Variants in BTBD1 observed in about 807,000 individuals in gnomAD.
The protein encoded by BTBD1 is BTB domain containing 1, also known as BTB/POZ domain-containing protein 1.
In BTBD1, 34 loss-of-function variants were observed where a neutral mutation model predicts 48.0. The ratio of observed to expected loss-of-function variants is 0.71; its 90% CI spans 0.54 to 0.94. BTBD1 has a LOEUF of 0.94. BTBD1 is among the 40% of genes least tolerant of loss of function. The probability of loss-of-function intolerance (pLI) is 0.00; values close to 1 mark genes in which losing one functional copy is unlikely to be tolerated. For missense variants in BTBD1, 543 were observed against 625.6 expected (o/e 0.87, Z 1.41); for synonymous variants, 261 against 242.1 (o/e 1.08, Z -0.72).
chr15:83,041,682 C>T, intron 4 of BTBD1, 46 bp downstream of exon 4: 1 of 1,578,166 alleles, frequency 6.3e-7, no homozygotes, highest in Non-Finnish European at 8.7e-7. Context: ...CCCTGACAGA[C>T]TATTAAAACA....
intron 3 of BTBD1, among the ~76,000 whole-genome samples, chr15:83,047,676 T>C (rs961380761): frequency 2.0e-5 from 3 of 152,192 alleles, no homozygotes; most frequent in Non-Finnish European, 4.4e-5. Context: ...ACACAGATAA[T>C]AGCTAGGCTC....
rs773923340 is a variant in BTBD1 at position 83,042,348 on chromosome 15, T to TTTTATATATTTATATA, written c.665-424_665-423insTATATAAATATATAAA. ...ACGTGCCAGGTACTATTAGGCAATT[T>TTTTATATATTTATATA]TATATATATATATATATATATATAT... On this transcript the variant is annotated intron_variant, in intron 3 of 7. Coordinates refer to ENST00000261721, the MANE Select transcript of BTBD1 (RefSeq NM_025238.4). Among the ~76,000 whole-genome samples the TTTTATATATTTATATA allele has an allele frequency of 3.2e-3, 348 of 109,882 alleles. 2 individuals are homozygous for TTTTATATATTTATATA. Among genetic ancestry groups the TTTTATATATTTATATA allele is most frequent in the Non-Finnish European group, 5.2e-3 (284 of 54,202 alleles). The allele number at this position is 109,882 out of a possible 152,430, so 72.1% of individuals were successfully genotyped here. A position where few individuals can be genotyped will look rare whatever the true frequency, so the allele number is the denominator to read the frequency against.
chr15:83,056,246 T>C, intron 2 of BTBD1, 143 bp downstream of exon 2: 2 of 567,478 alleles, frequency 3.5e-6, no homozygotes, highest in Non-Finnish European at 5.9e-6. Flanking sequence ...ATATCTGACA[T>C]GTTTCCCTGA....
chr15:83,017,327 A>T lies in BTBD1; in HGVS notation c.*740T>A, dbSNP rs2032190072. 6.6e-6 allele frequency: 1 copy of T among 152,660 alleles called. No individual in the cohort carries two copies. The highest frequency in any genetic ancestry group is 1.5e-5 in the Non-Finnish European group (1 of 68,038). The allele number at this position is 152,660 out of a possible 1,614,324, so 9.5% of individuals were successfully genotyped here. On this transcript the variant is annotated 3_prime_UTR_variant, in exon 8 of 8. Coordinates refer to ENST00000261721, the MANE Select transcript of BTBD1 (RefSeq NM_025238.4). ...CATCAGCAGTGTCCCCCACACAGAGAGACAGGTATAGTGGTGCAGTTTAGT... is the reference window on the plus strand; with the variant it reads ...CATCAGCAGTGTCCCCCACACAGAGTGACAGGTATAGTGGTGCAGTTTAGT...
At chr15:83,056,624 G>T in intron 1 of BTBD1, 79 bp from the exon 2 acceptor site, 1 of 1,244,794 alleles carries the variant, frequency 8.0e-7, no homozygotes. Context: ...AATTTCTGAG[G>T]AGTATTTACT....
At chr15:83,047,395 G>T (rs1354699153) in intron 3 of BTBD1, among the ~76,000 whole-genome samples, 2 of 152,080 alleles carry the variant, frequency 1.3e-5, no homozygotes, top group African/African-American at 4.8e-5. Context: ...AAATAATCCT[G>T]GCCAGCGCAT....
intron 3 of BTBD1, among the ~76,000 whole-genome samples, chr15:83,048,609 C>T (rs2032923505): frequency 6.6e-6 from 1 of 151,698 alleles, no homozygotes. Context: ...AATGCCCTCC[C>T]CTCTCCACTA....
chr15:83,054,568 T>TC (rs1471050112), intron 2 of BTBD1, among the ~76,000 whole-genome samples: 1 of 150,442 alleles, frequency 6.6e-6, no homozygotes, highest in Admixed American at 6.6e-5. Context: ...TTTTTCTTTT[T>TC]TTTTTTTTTT....
At chr15:83,066,321 G>A (rs1003084794) in intron 1 of BTBD1, among the ~76,000 whole-genome samples, 6 of 151,942 alleles carry the variant, frequency 3.9e-5, no homozygotes, top group African/African-American at 1.5e-4. Flanking sequence ...GGGGAAGGGG[G>A]TGACAATAAC....
intron 1 of BTBD1, among the ~76,000 whole-genome samples, chr15:83,066,428 C>A (rs181407156): frequency 2.5e-4 from 38 of 152,338 alleles, no homozygotes; most frequent in Admixed American, 1.6e-3. Flanking sequence ...ACCTGATCTG[C>A]CCCTCTATCC....
At chr15:83,019,053 G>GGT (rs374886864) in intron 6 of BTBD1, among the ~76,000 whole-genome samples, 200 bp from the exon 7 acceptor site, 55 of 147,718 alleles carry the variant, frequency 3.7e-4, no homozygotes, top group East Asian at 2.4e-3. Flanking sequence ...TCTGTTGGTG[G>GGT]GTGTGTGTGT....
At chr15:83,039,417 T>C (rs1382127533) in intron 4 of BTBD1, among the ~76,000 whole-genome samples, 2 of 152,118 alleles carry the variant, frequency 1.3e-5, no homozygotes, top group African/African-American at 2.4e-5. Flanking sequence ...TGTTCACTGA[T>C]GGTGGGAATG....
chr15:83,038,048 C>G lies in BTBD1; in HGVS notation c.862+3680G>C, dbSNP rs566789418. 9.2e-5 allele frequency among the ~76,000 whole-genome samples: 14 copies of G among 152,250 alleles called. No individual in the cohort carries two copies. In the South Asian group the frequency reaches 2.9e-3, roughly 32 times the overall value. On this transcript the variant is annotated intron_variant, in intron 4 of 7. Transcript: ENST00000261721. ...GCAGTGAGCTGAGCTCGTGCCAGTG[C>G]ACTCCAGCCTAGGCAACAAACAAGA...
At chr15:83,055,922 T>C (rs2033073697) in intron 2 of BTBD1, among the ~76,000 whole-genome samples, 1 of 152,164 alleles carries the variant, frequency 6.6e-6, no homozygotes, top group African/African-American at 2.4e-5. Flanking sequence ...ACCTATATGA[T>C]TCAGCACCGT....
intron 4 of BTBD1, among the ~76,000 whole-genome samples, chr15:83,035,475 TTATC>T (rs1273292976): frequency 6.6e-6 from 1 of 151,418 alleles, no homozygotes; most frequent in African/African-American, 2.4e-5. Flanking sequence ...GGAAATTAAG[TTATC>T]TATAATTTAT....
At chr15:83,059,074 C>T (rs931644830) in intron 1 of BTBD1, among the ~76,000 whole-genome samples, 1 of 152,180 alleles carries the variant, frequency 6.6e-6, no homozygotes, top group Non-Finnish European at 1.5e-5. Context: ...TCTGAAGACA[C>T]AGACTGAAGA....
chr15:83,060,592 G>A (rs913423104), intron 1 of BTBD1, among the ~76,000 whole-genome samples: 1 of 152,022 alleles, frequency 6.6e-6, no homozygotes, highest in African/African-American at 2.4e-5. Flanking sequence ...TCAGGAGTTT[G>A]AGACCAGCCT....
At chr15:83,032,593 T>C (rs183194982) in intron 4 of BTBD1, among the ~76,000 whole-genome samples, 2 of 152,288 alleles carry the variant, frequency 1.3e-5, no homozygotes, top group Admixed American at 6.5e-5. Context: ...TGGATGAACT[T>C]GGAGGCCATT....
At chr15:83,057,060 G>C (rs1045089504) in intron 1 of BTBD1, among the ~76,000 whole-genome samples, 1 of 152,146 alleles carries the variant, frequency 6.6e-6, no homozygotes, top group African/African-American at 2.4e-5. Context: ...GCCAAAGAGA[G>C]GGGAATGAAT....
Sources: allele counts gnomAD v4.1 joint callset (sites outside exome capture counted in the v4.1 genomes callset), GRCh38; gene constraint gnomAD v4.1.1; transcripts MANE v1.5; gene names NCBI Gene and HGNC (gene_info 2026-07-23, HGNC 2026-07-21).